TMEM258: variants seen among roughly 807,000 people sequenced by gnomAD.
The protein encoded by TMEM258 is dolichyl-diphosphooligosaccharide--protein glycosyltransferase subunit TMEM258.
A neutral mutation model predicts 9.9 loss-of-function variants in TMEM258; 11 were observed. The ratio of observed to expected loss-of-function variants is 1.11; its 90% CI spans 0.70 to 1.85. The LOEUF (loss-of-function observed/expected upper bound fraction) is 1.85, where lower values mean the gene tolerates loss of function less well. TMEM258 is among the 40% of genes most tolerant of loss of function. The pLI is 0.00. For missense variants in TMEM258, 81 were observed against 99.7 expected (o/e 0.81, Z 0.80); for synonymous variants, 40 against 39.1 (o/e 1.02, Z -0.09).
chr11:61,790,596 C>T lies in TMEM258; in HGVS notation c.10G>A (p.Glu4Lys), dbSNP rs747016222. Residue 4 changes from glutamate to lysine, a missense_variant, in exon 2 of 4, where the codon GAG (glutamate) becomes AAG (lysine). Physicochemically the swap from Glu to Lys is moderately conservative, Grantham distance 56 (BLOSUM62 1). Coordinates refer to ENST00000537328, the MANE Select transcript of TMEM258 (RefSeq NM_014206.4). Reference protein sequence around the residue: MELEAMSRYTSPVN... With the variant: MELKAMSRYTSPVN... Reference sequence around the variant, plus strand: ...GGGCTGGTATATCTGCTCATGGCCTCGAGCTCCTAGAGGAGGGAAAGAGAT... The same window carrying T: ...GGGCTGGTATATCTGCTCATGGCCTTGAGCTCCTAGAGGAGGGAAAGAGAT... 2.0e-5 allele frequency: 33 copies of T among 1,613,396 alleles called. No individual in the cohort carries two copies. The Admixed American group carries it at 5.0e-4, about 24-fold the overall frequency.
At chr11:61,792,525 C>T (rs757190666) in intron 1 of TMEM258, 31 bp downstream of exon 1, 4 of 1,613,884 alleles carry the variant, frequency 2.5e-6, no homozygotes, top group Admixed American at 1.7e-5. Context: ...GTCCTCGCAT[C>T]TCCGTCTGGA....
At chr11:61,792,474 C>T (rs769069812) in intron 1 of TMEM258, 82 bp downstream of exon 1, 1 of 1,586,198 alleles carries the variant, frequency 6.3e-7, no homozygotes, top group Admixed American at 1.7e-5. Flanking sequence ...GGATCTCCGG[C>T]GTCTGAGGAG....
chr11:61,791,114 C>T (rs2066781123), intron 1 of TMEM258, among the ~76,000 whole-genome samples: 1 of 152,080 alleles, frequency 6.6e-6, no homozygotes, highest in Non-Finnish European at 1.5e-5. Flanking sequence ...TGCGCACCAC[C>T]ACATCTAATT....
chr11:61,792,369 C>T, intron 1 of TMEM258, 187 bp downstream of exon 1: 1 of 721,708 alleles, frequency 1.4e-6, no homozygotes, highest in Non-Finnish European at 2.3e-6. Context: ...CCTTAGAAAT[C>T]GCGAGCTGAG....
intron 1 of TMEM258, 171 bp downstream of exon 1, chr11:61,792,385 T>C (rs769352308): frequency 4.5e-6 from 4 of 880,588 alleles, no homozygotes; most frequent in Admixed American, 2.4e-5. Flanking sequence ...CTGAGAAACC[T>C]AAGGAGTTCA....
At chr11:61,790,273 T>G in intron 2 of TMEM258, 1 of 598,618 alleles carries the variant, frequency 1.7e-6, no homozygotes, top group Non-Finnish European at 3.0e-6. Flanking sequence ...GGTCCCCTGC[T>G]CACTGTCCTG....
intron 1 of TMEM258, 64 bp downstream of exon 1, chr11:61,792,492 C>T (rs1442794430): frequency 6.8e-6 from 11 of 1,610,274 alleles, no homozygotes; most frequent in South Asian, 1.1e-5. Context: ...GAGATAAGCG[C>T]GGTGTGGGTC....
chr11:61,790,764 C>T (rs1033255195), intron 1 of TMEM258, among the ~76,000 whole-genome samples, 162 bp from the exon 2 acceptor site: 1 of 152,108 alleles, frequency 6.6e-6, no homozygotes, highest in Non-Finnish European at 1.5e-5. Flanking sequence ...TTTTCTGAGG[C>T]CAATAATCTG....
rs1385890398 is a variant in TMEM258, at chr11:61,790,518, T to C, written c.88A>G (p.Met30Val). The C allele has an allele frequency of 1.9e-6, 3 of 1,614,092 alleles. No individual in the cohort carries two copies. Among genetic ancestry groups the C allele is most frequent in the Middle Eastern group, 1.6e-4 (1 of 6,062 alleles). The change falls in exon 2 of 4, where the codon ATG (methionine) becomes GTG (valine). Residue 30 changes from methionine to valine, a missense_variant. Met to Val is a conservative substitution (Grantham distance 21). Coordinates refer to ENST00000537328, the MANE Select transcript of TMEM258 (RefSeq NM_014206.4). ...HLTVVLLAIGMFFTAWFFVYE... is the reference protein window; with the variant it reads ...HLTVVLLAIGVFFTAWFFVYE... ...ACGAAGAACCAGGCGGTGAAGAACA[T>C]GCCAATGGCCAAAAGCACCACGGTC...
chr11:61,790,058 G>T, intron 2 of TMEM258, 137 bp from the exon 3 acceptor site: 4 of 1,087,026 alleles, frequency 3.7e-6, no homozygotes, highest in Non-Finnish European at 5.1e-6. Flanking sequence ...CCAGGCAGAG[G>T]GGCCTAAGAG....
At position 61,789,409 on chromosome 11, in the gene TMEM258, C is replaced by T. The variant is rs533111933; in HGVS notation, c.*11-174G>A. 2.0e-4 allele frequency among the ~76,000 whole-genome samples: 31 copies of T among 152,300 alleles called. No individual in the cohort carries two copies. In the South Asian group the frequency reaches 6.2e-3, roughly 31 times the overall value. ...GGATTGTCTGCAGCAAGTTTTAAGC[C>T]CTGGATCTTGACCCCCTTTCAGCCA... On this transcript the variant is annotated intron_variant, in intron 3 of 3. Transcript: ENST00000537328.
chr11:61,790,396 T>C (rs740006), intron 2 of TMEM258, 97 bp downstream of exon 2: 97,474 of 1,063,116 alleles, frequency 0.092, 5,422 homozygotes, highest in Non-Finnish European at 0.1. Context: ...CCCAATCCAA[T>C]GTACAAAACC....
chr11:61,790,857 G>A (rs762279547), intron 1 of TMEM258, among the ~76,000 whole-genome samples: 2 of 152,144 alleles, frequency 1.3e-5, no homozygotes, highest in African/African-American at 4.8e-5. Flanking sequence ...TACAATTTCC[G>A]GAGCTTTGTG....
chr11:61,789,950 G>A (rs117110139), intron 2 of TMEM258, 29 bp from the exon 3 acceptor site: 46,357 of 1,605,750 alleles, frequency 0.029, 877 homozygotes, highest in Non-Finnish European at 0.036. Flanking sequence ...GCAAAGCGAA[G>A]GGGTGGACTG....
chr11:61,791,287 T>A (rs1156305621), intron 1 of TMEM258, among the ~76,000 whole-genome samples: 1 of 150,638 alleles, frequency 6.6e-6, no homozygotes, highest in Non-Finnish European at 1.5e-5. Flanking sequence ...ACAGTCTTGC[T>A]CTATCGCCCA....
At chr11:61,790,782 T>G (rs1325824366) in intron 1 of TMEM258, among the ~76,000 whole-genome samples, 180 bp from the exon 2 acceptor site, 1 of 152,154 alleles carries the variant, frequency 6.6e-6, no homozygotes, top group Non-Finnish European at 1.5e-5. Context: ...CTGACCACTA[T>G]GAAAACGTGA....
intron 1 of TMEM258, 102 bp downstream of exon 1, chr11:61,792,454 C>G (rs1414285579): frequency 6.5e-7 from 1 of 1,542,172 alleles, no homozygotes; most frequent in Non-Finnish European, 9.0e-7. Context: ...CCAGGAGCGT[C>G]TAGCCCTCTG....
Position 61,792,578 on chromosome 11 carries a change from T to C in TMEM258, c.-20A>G, listed in dbSNP as rs947740651. 8 of 1,613,576 alleles carry C rather than the reference T, an allele frequency of 5.0e-6. No individual in the cohort carries two copies. Among genetic ancestry groups the C allele is most frequent in the Non-Finnish European group, 6.8e-6 (8 of 1,179,980 alleles). ...CACCATTTTGCCCCGCGAAGGCTAA[T>C]CCGCCGCTCCGCCACCGGAAGAACA... On this transcript the variant is annotated 5_prime_UTR_variant, in exon 1 of 4. Coordinates refer to ENST00000537328, the MANE Select transcript of TMEM258 (RefSeq NM_014206.4).
intron 1 of TMEM258, among the ~76,000 whole-genome samples, chr11:61,790,997 G>A (rs2066780319): frequency 6.6e-6 from 1 of 152,102 alleles, no homozygotes; most frequent in Non-Finnish European, 1.5e-5. Flanking sequence ...TGTCGCCCGG[G>A]CTGGAGGGCA....
Sources: allele counts gnomAD v4.1 joint callset (sites outside exome capture counted in the v4.1 genomes callset), GRCh38; gene constraint gnomAD v4.1.1; transcripts MANE v1.5; gene names NCBI Gene and HGNC (gene_info 2026-07-23, HGNC 2026-07-21).